The following FYCO1 variants were observed in gnomAD, a reference collection of about 807,000 sequenced individuals.
FYCO1 encodes the protein FYVE and coiled-coil domain autophagy adaptor 1.
A neutral mutation model predicts 165.1 loss-of-function variants in FYCO1; 122 were observed. The observed-to-expected ratio is 0.74, with a 90% CI of 0.64 to 0.86. FYCO1 has a LOEUF of 0.86. Ranked by LOEUF, FYCO1 falls within the 40% of genes least tolerant of loss-of-function variation. The pLI, the probability that FYCO1 is intolerant of heterozygous loss-of-function variation, is 0.00. For missense variants in FYCO1, 1,702 were observed against 1,810.3 expected (o/e 0.94, Z 1.09); for synonymous variants, 648 against 742.5 (o/e 0.87, Z 2.07).
intron 14 of FYCO1, among the ~76,000 whole-genome samples, chr3:45,937,721 C>T (rs1400820287): frequency 2.0e-5 from 3 of 152,242 alleles, no homozygotes; most frequent in Non-Finnish European, 2.9e-5. Flanking sequence ...CAGGCTGCAG[C>T]ACCTGCTGCC....
In FYCO1 at chr3:45,984,985, G is replaced by C. The variant is rs1383832868; in HGVS notation, c.-75C>G. 17 of 1,453,924 alleles carry C rather than the reference G, an allele frequency of 1.2e-5. No individual in the cohort carries two copies. Among genetic ancestry groups the C allele is most frequent in the Non-Finnish European group, 1.6e-5 (17 of 1,034,312 alleles). The allele number at this position is 1,453,924 out of a possible 1,614,324, so 90.1% of individuals were successfully genotyped here. Reference sequence around the variant, plus strand: ...AGGCTCAGAATTTCGGCCCTCGGTGGCTGTCTGCTCAGCAGTGGTCAGACT... The same window carrying C: ...AGGCTCAGAATTTCGGCCCTCGGTGCCTGTCTGCTCAGCAGTGGTCAGACT... On this transcript the variant is annotated 5_prime_UTR_variant, in exon 2 of 18. Coordinates refer to ENST00000296137, the MANE Select transcript of FYCO1 (RefSeq NM_024513.4).
At position 45,966,285 on chromosome 3, in the gene FYCO1, T is replaced by C; in HGVS notation, c.3049A>G (p.Arg1017Gly). 6.2e-7 allele frequency: 1 copy of C among 1,614,002 alleles called. No individual in the cohort carries two copies. The highest frequency in any genetic ancestry group is 8.5e-7 in the Non-Finnish European group (1 of 1,180,030). ...GTTGAAGCTAGGATTACCTTAAGTCTGCTCTGGTAGTCCATGATTTCAGCA... is the reference window on the plus strand; with the variant it reads ...GTTGAAGCTAGGATTACCTTAAGTCCGCTCTGGTAGTCCATGATTTCAGCA... ...LSAEIMDYQS[R>G]LKNAGEECKS... is the part of the protein sequence containing the mutation. Residue 1017 changes from arginine to glycine, a missense_variant, in exon 8 of 18, where the codon AGA becomes GGA. Physicochemically the swap from Arg to Gly is moderately radical, Grantham distance 125. Coordinates refer to ENST00000296137, the MANE Select transcript of FYCO1 (RefSeq NM_024513.4).
chr3:45,961,404 C>G (rs962536844), intron 11 of FYCO1, among the ~76,000 whole-genome samples: 6 of 151,932 alleles, frequency 3.9e-5, no homozygotes, highest in Non-Finnish European at 5.9e-5. Context: ...CATGGTGAAG[C>G]CTATTTCTAC....
At position 45,964,972 on chromosome 3, in the gene FYCO1, G is replaced by T; in HGVS notation, c.3150+61C>A. The T allele has an allele frequency of 7.4e-7, 1 of 1,347,572 alleles. No individual in the cohort carries two copies. The highest frequency in any genetic ancestry group is 1.2e-5 in the South Asian group (1 of 84,216). The allele number at this position is 1,347,572 out of a possible 1,614,324, so 83.5% of individuals were successfully genotyped here. On this transcript the variant is annotated intron_variant, in intron 9 of 17. Transcript: ENST00000296137. This position sits in a 1 kb window ranked among gnomAD's most constrained non-coding sequence, Gnocchi z 4.1. ...AGGCATGCAGGGAGCCCTCTTAAATGGTCCAGTCAAAACCACACCAGATGC... is the reference window on the plus strand; with the variant it reads ...AGGCATGCAGGGAGCCCTCTTAAATTGTCCAGTCAAAACCACACCAGATGC...
intron 2 of FYCO1, among the ~76,000 whole-genome samples, chr3:45,983,832 G>A (rs1386016464): frequency 6.6e-6 from 1 of 152,224 alleles, no homozygotes; most frequent in East Asian, 1.9e-4. Context: ...AGTGCCCGGT[G>A]CACATGAAAT....
At chr3:45,923,835 C>G in intron 16 of FYCO1, 70 bp from the exon 17 acceptor site, 1 of 1,048,758 alleles carries the variant, frequency 9.5e-7, no homozygotes, top group Non-Finnish European at 1.5e-6. Flanking sequence ...TCAGGGAAGA[C>G]CCTTTATTTT....
At position 45,968,125 on chromosome 3, in the gene FYCO1, T is replaced by G; in HGVS notation, c.1209A>C (p.Leu403=). The change falls in exon 8 of 18, where the codon CTA becomes CTC. Residue 403 remains leucine (L), a synonymous_variant. Transcript: ENST00000296137. ...TTTCTAGGGCTTGAAGCTTCTCCCC[T>G]AGCTCCTGCATCTCCTGGGCCGCAT... ...PSDAAQEMQE[L]GEKLQALERE... 1 of 1,614,126 alleles carries G rather than the reference T, an allele frequency of 6.2e-7. No individual in the cohort carries two copies. The highest frequency in any genetic ancestry group is 1.1e-5 in the South Asian group (1 of 91,086).
rs1316518295 is a variant in FYCO1 at position 45,984,917 on chromosome 3, T to C, written c.-7A>G. The C allele has an allele frequency of 6.2e-7, 1 of 1,613,984 alleles. No individual in the cohort carries two copies. The highest frequency in any genetic ancestry group is 8.5e-7 in the Non-Finnish European group (1 of 1,179,976). On this transcript the variant is annotated 5_prime_UTR_variant, in exon 2 of 18. Transcript: ENST00000296137. ...CTGCATTGGTGGAGGCCATGGTGAG[T>C]TTGCCTTTCTTGTCTGTATGTCTCC...
intron 4 of FYCO1, among the ~76,000 whole-genome samples, chr3:45,977,530 C>T (rs1189743925): frequency 6.6e-6 from 1 of 151,632 alleles, no homozygotes; most frequent in East Asian, 1.9e-4. Flanking sequence ...CTTTCATTAA[C>T]TAATTCCTTA....
intron 14 of FYCO1, among the ~76,000 whole-genome samples, chr3:45,937,923 G>T (rs1175870891): frequency 6.6e-6 from 1 of 152,186 alleles, no homozygotes; most frequent in Non-Finnish European, 1.5e-5. Flanking sequence ...GCCAGCTTGT[G>T]CGGCCACCCA....
intron 14 of FYCO1, chr3:45,946,405 A>G: frequency 1.5e-6 from 2 of 1,312,466 alleles, no homozygotes; most frequent in Non-Finnish European, 2.1e-6. Flanking sequence ...GGATAGCAGG[A>G]AGACAAAGAA....
intron 16 of FYCO1, among the ~76,000 whole-genome samples, chr3:45,930,542 C>T (rs541867081): frequency 7.2e-4 from 109 of 152,324 alleles, no homozygotes; most frequent in African/African-American, 2.6e-3. Context: ...AACAACAGTC[C>T]GGGCACTGTC....
intron 14 of FYCO1, among the ~76,000 whole-genome samples, chr3:45,951,921 G>A (rs1386510839): frequency 6.6e-6 from 1 of 152,216 alleles, no homozygotes; most frequent in Non-Finnish European, 1.5e-5. Context: ...GTGTACATGT[G>A]CGAAAGAGAG....
intron 14 of FYCO1, among the ~76,000 whole-genome samples, chr3:45,937,045 C>A (rs1038334472): frequency 6.6e-6 from 1 of 152,152 alleles, no homozygotes; most frequent in Non-Finnish European, 1.5e-5. Context: ...CCCTGCACTT[C>A]ACTGATGGGG....
At chr3:45,979,639 T>C in intron 4 of FYCO1, 66 bp downstream of exon 4, 1 of 1,598,296 alleles carries the variant, frequency 6.3e-7, no homozygotes, top group South Asian at 1.1e-5. Context: ...AGCAAAGGTC[T>C]CTGCAAGAGC....
intron 12 of FYCO1, 37 bp downstream of exon 12, chr3:45,959,356 C>T (rs975413185): frequency 1.2e-6 from 2 of 1,612,730 alleles, no homozygotes; most frequent in East Asian, 2.2e-5. Flanking sequence ...TGGGCCCCAC[C>T]AGGGTGTTGG....
At position 45,944,214 on chromosome 3, in the gene FYCO1, G is replaced by GTA. The variant is rs1211915624; in HGVS notation, c.3945-7672_3945-7671insTA. Among the ~76,000 whole-genome samples, 65 of 151,684 alleles carry GTA rather than the reference G, an allele frequency of 4.3e-4. 1 individual carries two copies. The highest frequency in any genetic ancestry group is 7.9e-4 in the Admixed American group (12 of 15,198). On this transcript the variant is annotated intron_variant, in intron 14 of 17. Coordinates refer to ENST00000296137, the MANE Select transcript of FYCO1 (RefSeq NM_024513.4). Reference sequence around the variant, plus strand: ...TGTGTGTCTGTGTGTGTGTGTGTGTGTGTATATATATATACATTATTTCTG... The same window carrying GTA: ...TGTGTGTCTGTGTGTGTGTGTGTGTGTATGTATATATATATACATTATTTCTG...
intron 14 of FYCO1, among the ~76,000 whole-genome samples, chr3:45,938,462 G>T (rs546869310): frequency 1.3e-5 from 2 of 152,330 alleles, no homozygotes; most frequent in African/African-American, 2.4e-5. Context: ...ATGTTGTGAG[G>T]ATAAGTATTT....
At chr3:45,925,058 T>A (rs1703257880) in intron 16 of FYCO1, among the ~76,000 whole-genome samples, 1 of 152,070 alleles carries the variant, frequency 6.6e-6, no homozygotes. Context: ...GCCTCCTGAG[T>A]AGCTAGGATT....
Sources: allele counts gnomAD v4.1 joint callset (sites outside exome capture counted in the v4.1 genomes callset), GRCh38; gene constraint gnomAD v4.1.1; non-coding constraint Gnocchi (gnomAD v3.1); transcripts MANE v1.5; gene names NCBI Gene and HGNC (gene_info 2026-07-23, HGNC 2026-07-21).